The following PTK2 variants were observed in gnomAD, a reference collection of about 807,000 sequenced individuals.
The protein encoded by PTK2 is focal adhesion kinase 1.
A neutral mutation model predicts 150.1 loss-of-function variants in PTK2; 45 were observed. The observed-to-expected ratio is 0.30, with a 90% CI of 0.24 to 0.38. The LOEUF is 0.38. Among genes scored for constraint, PTK2 ranks in the 10% least tolerant of loss-of-function variants. The pLI is 1.00. For missense variants in PTK2, 919 were observed against 1,307.3 expected (o/e 0.70, Z 4.58); for synonymous variants, 432 against 449.2 (o/e 0.96, Z 0.48).
intron 26 of PTK2, among the ~76,000 whole-genome samples, chr8:140,691,805 T>C (rs2100023367): frequency 6.6e-6 from 1 of 152,212 alleles, no homozygotes; most frequent in Admixed American, 6.5e-5. Flanking sequence ...CACATAGATG[T>C]GTAGTAAATA....
intron 8 of PTK2, among the ~76,000 whole-genome samples, chr8:140,829,460 C>G (rs1391011993): frequency 2.0e-5 from 3 of 152,206 alleles, no homozygotes; most frequent in Non-Finnish European, 4.4e-5. Context: ...GTCGACAGTT[C>G]TCTCTCTTTT....
chr8:140,954,208 G>A (rs1172136108), intron 1 of PTK2, among the ~76,000 whole-genome samples: 1 of 152,146 alleles, frequency 6.6e-6, no homozygotes, highest in African/African-American at 2.4e-5. Flanking sequence ...TCGAACTCCT[G>A]ACCTCAAGTG....
At chr8:140,949,684 G>A (rs1214669047) in intron 1 of PTK2, among the ~76,000 whole-genome samples, 1 of 152,260 alleles carries the variant, frequency 6.6e-6, no homozygotes, top group Non-Finnish European at 1.5e-5. Context: ...GGGGAGCTGA[G>A]GGTGGCTCAG....
chr8:140,697,717 TTTTTC>T (rs1399387792), intron 26 of PTK2, among the ~76,000 whole-genome samples: 1 of 152,130 alleles, frequency 6.6e-6, no homozygotes, highest in Admixed American at 6.6e-5. Context: ...GAACAGTCTT[TTTTTC>T]TTTTGTCTAT....
chr8:140,921,226 T>C, intron 2 of PTK2: 2 of 780,548 alleles, frequency 2.6e-6, no homozygotes, highest in South Asian at 6.2e-5. Context: ...CCTAGATTCA[T>C]TCAGGGAAGG....
Position 140,918,913 on chromosome 8 carries a change from C to A in PTK2, c.-33+6748G>T, listed in dbSNP as rs146365118. On this transcript the variant is annotated intron_variant, in intron 2 of 31. Transcript: ENST00000522684. ...AACCAATTCAGCCAATTCCTATACA[C>A]CAACATCTTTGTCCTTATCACACAG... Among the ~76,000 whole-genome samples the A allele has an allele frequency of 9.0e-4, 137 of 152,322 alleles. 3 individuals carry two copies. In the East Asian group the frequency reaches 0.023, roughly 25 times the overall value.
At chr8:140,664,938 T>C (rs377645776) in exon 31 of PTK2, 253 of 1,613,296 alleles carry the variant, frequency 1.6e-4, no homozygotes, top group Non-Finnish European at 2.1e-4. Context: ...TGCTGGCTGG[T>C]AGGAGGGGAA....
At chr8:140,822,896 T>C (rs1313185766) in intron 8 of PTK2, among the ~76,000 whole-genome samples, 2 of 152,234 alleles carry the variant, frequency 1.3e-5, no homozygotes, top group Non-Finnish European at 2.9e-5. Context: ...AGTTCTATCC[T>C]GTGATAAATT....
rs114297802 is a variant in PTK2 at position 140,667,996 on chromosome 8, T to C, written c.2865+273A>G. ...CAGCTTTCTCTTTCACTGCAGACTT[T>C]ATGTGTGAGTGGTAATTATTAAAAG... On this transcript the variant is annotated intron_variant, in intron 30 of 31. Coordinates refer to ENST00000522684, the Ensembl canonical transcript of PTK2. 2.0e-3 allele frequency among the ~76,000 whole-genome samples: 303 copies of C among 152,336 alleles called. 3 individuals carry two copies. Among genetic ancestry groups the C allele is most frequent in the African/African-American group, 7.1e-3 (294 of 41,576 alleles).
chr8:140,960,530 A>G (rs1010961572), intron 1 of PTK2, among the ~76,000 whole-genome samples: 2 of 152,158 alleles, frequency 1.3e-5, no homozygotes, highest in African/African-American at 4.8e-5. Flanking sequence ...TAAAAAAAGA[A>G]TAAGTAATCA....
At chr8:140,955,690 A>T (rs1441140975) in intron 1 of PTK2, among the ~76,000 whole-genome samples, 1 of 152,206 alleles carries the variant, frequency 6.6e-6, no homozygotes, top group Non-Finnish European at 1.5e-5. Flanking sequence ...ACGATAAAAG[A>T]TCGGAAGCAT....
chr8:140,898,686 T>TA (rs1441649678), intron 2 of PTK2, among the ~76,000 whole-genome samples: 1 of 152,122 alleles, frequency 6.6e-6, no homozygotes, highest in Non-Finnish European at 1.5e-5. Context: ...ACGAACATAA[T>TA]AAACACCCTA....
intron 31 of PTK2, 32 bp from the exon 36 acceptor site, chr8:140,659,710 T>A: frequency 6.6e-7 from 1 of 1,517,848 alleles, no homozygotes. Context: ...AGGAGAACTG[T>A]TTTCAGTGAT....
At chr8:140,719,842 C>T (rs1248916984) in intron 22 of PTK2, among the ~76,000 whole-genome samples, 1 of 138,752 alleles carries the variant, frequency 7.2e-6, no homozygotes, top group East Asian at 2.1e-4. Flanking sequence ...GCCAAGATAG[C>T]ACCACTGCAC....
At chr8:140,768,680 A>G (rs891656740) in intron 14 of PTK2, among the ~76,000 whole-genome samples, 1 of 152,234 alleles carries the variant, frequency 6.6e-6, no homozygotes, top group Admixed American at 6.5e-5. Flanking sequence ...TGTGAGAATT[A>G]GGAATCAAGT....
At chr8:140,784,377 T>C (rs920843518) in intron 14 of PTK2, among the ~76,000 whole-genome samples, 13 of 152,152 alleles carry the variant, frequency 8.5e-5, no homozygotes, top group African/African-American at 3.1e-4. Flanking sequence ...CTTGTACTTC[T>C]GGTCATAATT....
chr8:140,690,043 C>T (rs921117560), intron 26 of PTK2, among the ~76,000 whole-genome samples: 17 of 152,238 alleles, frequency 1.1e-4, no homozygotes, highest in African/African-American at 3.6e-4. Flanking sequence ...AGCTCTGCCT[C>T]CCGGGTTCAT....
In PTK2 at chr8:140,686,152, A is replaced by G. The variant is rs1270491962; in HGVS notation, c.2562+480T>C. Reference sequence around the variant, plus strand: ...ACTAATGCAGGAACAGAAAACCAATACCACATGTTCTCACTTATAAAGGGG... The same window carrying G: ...ACTAATGCAGGAACAGAAAACCAATGCCACATGTTCTCACTTATAAAGGGG... On this transcript the variant is annotated intron_variant, in intron 27 of 31. Coordinates refer to ENST00000522684, the Ensembl canonical transcript of PTK2. 2.0e-5 allele frequency among the ~76,000 whole-genome samples: 3 copies of G among 152,274 alleles called. No homozygotes were observed. The East Asian group carries it at 5.8e-4, about 29-fold the overall frequency.
At chr8:140,805,598 C>T (rs1287493509) in intron 10 of PTK2, among the ~76,000 whole-genome samples, 1 of 151,104 alleles carries the variant, frequency 6.6e-6, no homozygotes, top group Non-Finnish European at 1.5e-5. Context: ...CAACAAGATT[C>T]CTGAGCCAAA....
Sources: gnomAD v4.1 joint callset for allele counts (sites outside exome capture counted in the v4.1 genomes callset) on GRCh38, gnomAD v4.1.1 for gene constraint, MANE v1.5 for transcripts, NCBI Gene and HGNC (gene_info 2026-07-23, HGNC 2026-07-21) for gene names.